The following GLI2 variants were observed in gnomAD, a reference collection of about 807,000 sequenced individuals.
GLI2 encodes the protein GLI family zinc finger 2, also known as transcription activator GLI2.
A neutral mutation model predicts 78.9 loss-of-function variants in GLI2; 22 were observed. The ratio of observed to expected loss-of-function variants is 0.28; its 90% CI spans 0.20 to 0.40. The LOEUF is 0.40. Ranked by LOEUF, GLI2 falls within the 10% of genes least tolerant of loss-of-function variation. The pLI is 1.00. For missense variants in GLI2, 2,097 were observed against 2,213.2 expected (o/e 0.95, Z 1.05); for synonymous variants, 974 against 963.7 (o/e 1.01, Z -0.20).
intron 2 of GLI2, among the ~76,000 whole-genome samples, chr2:120,838,669 C>T (rs1233836909): frequency 6.6e-6 from 1 of 152,182 alleles, no homozygotes; most frequent in South Asian, 2.1e-4. Context: ...CACCCCATAA[C>T]AATATTTTGG....
chr2:120,764,041 A>T (rs1167218283), intron 1 of GLI2, among the ~76,000 whole-genome samples: 2 of 152,170 alleles, frequency 1.3e-5, no homozygotes, highest in Non-Finnish European at 2.9e-5. Flanking sequence ...CACACTGGTG[A>T]TGTGGGCCCT....
chr2:120,849,458 G>C (rs777229377), intron 2 of GLI2, among the ~76,000 whole-genome samples: 18 of 151,854 alleles, frequency 1.2e-4, no homozygotes, highest in Non-Finnish European at 2.6e-4. Flanking sequence ...TGATGATGAT[G>C]ATCATGATGA....
At chr2:120,922,643 C>G (rs1055393255) in intron 2 of GLI2, among the ~76,000 whole-genome samples, 1 of 152,302 alleles carries the variant, frequency 6.6e-6, no homozygotes, top group Non-Finnish European at 1.5e-5. Context: ...GCAGACCTTG[C>G]TGGAGATGAG....
At chr2:120,976,874 G>A (rs1682479668) in intron 9 of GLI2, among the ~76,000 whole-genome samples, 1 of 152,252 alleles carries the variant, frequency 6.6e-6, no homozygotes, top group African/African-American at 2.4e-5. Flanking sequence ...GATGGAGCAG[G>A]CGCACAGGCG....
In GLI2 at chr2:120,948,756, C is replaced by T. The variant is rs555635472; in HGVS notation, c.255-2487C>T. ...GGTTGGCACACCCCACAGGGCAACC[C>T]TGGTGCCAGGGAGGCTGGCATTCCC... On this transcript the variant is annotated intron_variant, in intron 3 of 13. Coordinates refer to ENST00000361492, the MANE Select transcript of GLI2 (RefSeq NM_001374353.1). 7.9e-5 allele frequency among the ~76,000 whole-genome samples: 12 copies of T among 152,302 alleles called. No homozygotes were observed. The South Asian group carries it at 2.1e-3, about 26-fold the overall frequency.
intron 1 of GLI2, among the ~76,000 whole-genome samples, chr2:120,764,979 A>G (rs896683769): frequency 2.6e-5 from 4 of 152,190 alleles, no homozygotes; most frequent in African/African-American, 9.7e-5. Flanking sequence ...CCGTCCATTC[A>G]TGCAGTATTT....
rs1403234656 is a variant in GLI2, at chr2:120,992,602, G to C, written c.*1927G>C. The C allele has an allele frequency of 1.3e-5, 2 of 152,178 alleles. No individual in the cohort carries two copies. The highest frequency in any genetic ancestry group is 2.9e-5 in the Non-Finnish European group (2 of 68,044). 9.4% of individuals were successfully genotyped at this position (152,178 alleles called of 1,614,324 possible). A position where few individuals can be genotyped will look rare whatever the true frequency, so the allele number is the denominator to read the frequency against. ...AATTAGGCTGTATTTTTTCTTAACA[G>C]TGTCAAAATTGACTATCCCGCCTTT... On this transcript the variant is annotated 3_prime_UTR_variant, in exon 14 of 14. Coordinates refer to ENST00000361492, the MANE Select transcript of GLI2 (RefSeq NM_001374353.1).
At chr2:120,796,732 G>A (rs1014302942) in intron 1 of GLI2, among the ~76,000 whole-genome samples, 7 of 152,266 alleles carry the variant, frequency 4.6e-5, no homozygotes, top group Non-Finnish European at 8.8e-5. Context: ...TGTATCTTCC[G>A]CACCAGGCAT....
intron 2 of GLI2, among the ~76,000 whole-genome samples, chr2:120,898,177 AACACACACACACACACAC>A (rs55794893): frequency 7.1e-6 from 1 of 140,228 alleles, no homozygotes; most frequent in South Asian, 2.4e-4. Flanking sequence ...TATAGATTAA[AACACACACACACACACAC>A]ACACACACAC....
intron 2 of GLI2, among the ~76,000 whole-genome samples, chr2:120,914,959 C>G (rs1679020032): frequency 6.6e-6 from 1 of 152,244 alleles, no homozygotes. Context: ...TTCAAGGCCA[C>G]TGTTGCAGGG....
At chr2:120,849,843 A>G (rs2104604709) in intron 2 of GLI2, among the ~76,000 whole-genome samples, 1 of 152,356 alleles carries the variant, frequency 6.6e-6, no homozygotes, top group African/African-American at 2.4e-5. Flanking sequence ...ACCCATTGGT[A>G]TCCTCAGAAA....
rs111790284 is a variant in GLI2 at position 120,865,349 on chromosome 2, A to G, written c.149-62012A>G. ...CCACCCGACTACTGTCAGAAGGATC[A>G]GGATTCTGAACTTAAGGAGTTCTGT... On this transcript the variant is annotated intron_variant, in intron 2 of 13. Transcript: ENST00000361492. Among the ~76,000 whole-genome samples, 276 of 152,310 alleles carry G rather than the reference A, an allele frequency of 1.8e-3. 2 individuals carry two copies. Among genetic ancestry groups the G allele is most frequent in the African/African-American group, 5.6e-3 (232 of 41,570 alleles).
chr2:120,817,839 C>T (rs560003375), intron 2 of GLI2, among the ~76,000 whole-genome samples: 7 of 152,226 alleles, frequency 4.6e-5, no homozygotes, highest in Admixed American at 2.0e-4. Context: ...CCCACTCGCT[C>T]GTATGGAGCA....
intron 2 of GLI2, among the ~76,000 whole-genome samples, chr2:120,859,074 A>C (rs1306062960): frequency 6.6e-6 from 1 of 152,190 alleles, no homozygotes; most frequent in African/African-American, 2.4e-5. Context: ...GGTTTTCTTA[A>C]GCAGTATTCT....
chr2:120,952,373 G>A (rs370136567), intron 4 of GLI2, among the ~76,000 whole-genome samples: 2 of 152,196 alleles, frequency 1.3e-5, no homozygotes, highest in East Asian at 1.9e-4. Context: ...GGGTCCCAGC[G>A]AGTCTCTTAT....
chr2:120,804,098 T>C (rs1684828340), intron 2 of GLI2, among the ~76,000 whole-genome samples: 2 of 152,194 alleles, frequency 1.3e-5, no homozygotes, highest in East Asian at 1.9e-4. Flanking sequence ...ACAGTTTTGC[T>C]TAGTGGCGAG....
intron 2 of GLI2, among the ~76,000 whole-genome samples, chr2:120,850,421 C>A (rs1687345522): frequency 6.6e-6 from 1 of 152,148 alleles, no homozygotes; most frequent in African/African-American, 2.4e-5. Flanking sequence ...AGTGAATTTG[C>A]CCTGGGAAAT....
At chr2:120,907,780 C>G (rs1678616088) in intron 2 of GLI2, among the ~76,000 whole-genome samples, 1 of 152,182 alleles carries the variant, frequency 6.6e-6, no homozygotes, top group South Asian at 2.1e-4. Context: ...CACACACACA[C>G]AGAGTTGAAA....
At chr2:120,970,803 G>A (rs1206170021) in intron 7 of GLI2, among the ~76,000 whole-genome samples, 197 bp downstream of exon 7, 1 of 152,234 alleles carries the variant, frequency 6.6e-6, no homozygotes, top group African/African-American at 2.4e-5. Context: ...CCAGCTTCTT[G>A]ATTCTGCCGT....
Sources: allele counts gnomAD v4.1 joint callset (sites outside exome capture counted in the v4.1 genomes callset), GRCh38; gene constraint gnomAD v4.1.1; transcripts MANE v1.5; gene names NCBI Gene and HGNC (gene_info 2026-07-23, HGNC 2026-07-21).